The following SPTLC1 variants were observed in gnomAD, a reference collection of about 807,000 sequenced individuals.
SPTLC1 encodes the protein serine palmitoyltransferase long chain base subunit 1.
Under a neutral mutation model 68.9 loss-of-function variants are expected in SPTLC1, and 55 were observed. The ratio of observed to expected loss-of-function variants is 0.80; its 90% CI spans 0.64 to 1.00. The LOEUF is 1.00. SPTLC1 is among the 50% of genes least tolerant of loss of function. The pLI is 0.00. For missense variants in SPTLC1, 449 were observed against 573.1 expected, an observed-to-expected ratio of 0.78 and a Z score of 2.21; for synonymous variants, 197 against 201.6, an observed-to-expected ratio of 0.98 and a Z score of 0.19.
At chr9:92,113,955 C>T (rs1348074325) in intron 1 of SPTLC1, among the ~76,000 whole-genome samples, 2 of 152,212 alleles carry the variant, frequency 1.3e-5, no homozygotes, top group African/African-American at 2.4e-5. Flanking sequence ...CACTAAGTTA[C>T]ACGTGGCTAT....
chr9:92,053,578 C>G (rs962936107), intron 8 of SPTLC1, among the ~76,000 whole-genome samples: 1 of 152,098 alleles, frequency 6.6e-6, no homozygotes. Context: ...GACTATAACT[C>G]AGCATTAAAA....
chr9:92,032,202 C>A lies in SPTLC1; in HGVS notation c.*263G>T, dbSNP rs1007169288. 7.9e-7 allele frequency: 1 copy of A among 1,265,774 alleles called. No individual in the cohort carries two copies. Among genetic ancestry groups the A allele is most frequent in the Non-Finnish European group, 1.1e-6 (1 of 938,548 alleles). The allele number at this position is 1,265,774 out of a possible 1,614,324, so 78.4% of individuals were successfully genotyped here. On this transcript the variant is annotated 3_prime_UTR_variant, in exon 15 of 15. Coordinates refer to ENST00000262554, the MANE Select transcript of SPTLC1 (RefSeq NM_006415.4). ...GAAAACATTTAAATAGTACTAAATG[C>A]ACAATTTAAACATCAGTTATACACT...
At chr9:92,103,003 A>G (rs1336259518) in intron 3 of SPTLC1, among the ~76,000 whole-genome samples, 1 of 152,202 alleles carries the variant, frequency 6.6e-6, no homozygotes, top group East Asian at 1.9e-4. Flanking sequence ...GCTCACAATG[A>G]CCAAATTATG....
intron 3 of SPTLC1, among the ~76,000 whole-genome samples, chr9:92,085,927 T>C (rs1407139842): frequency 2.0e-5 from 3 of 152,190 alleles, no homozygotes; most frequent in South Asian, 2.1e-4. Flanking sequence ...TGGGTGCTCC[T>C]GTATTGGGTG....
chr9:92,046,227 G>A (rs1372359934), intron 11 of SPTLC1, 174 bp from the exon 12 acceptor site: 2 of 645,942 alleles, frequency 3.1e-6, no homozygotes, highest in Non-Finnish European at 5.4e-6. Flanking sequence ...TGTCTCTGGT[G>A]CGTGCTAACT....
At chr9:92,071,203 A>G (rs1344451726) in intron 5 of SPTLC1, among the ~76,000 whole-genome samples, 2 of 151,288 alleles carry the variant, frequency 1.3e-5, no homozygotes, top group African/African-American at 4.9e-5. Flanking sequence ...CAGCCTGACC[A>G]AAACGGAGAA....
chr9:92,066,420 G>A (rs914680958), intron 6 of SPTLC1, among the ~76,000 whole-genome samples: 1 of 152,212 alleles, frequency 6.6e-6, no homozygotes, highest in Non-Finnish European at 1.5e-5. Flanking sequence ...CAGAGGTGAC[G>A]TATGTGAAGG....
chr9:92,090,795 T>C (rs1835334266), intron 3 of SPTLC1, among the ~76,000 whole-genome samples: 1 of 152,096 alleles, frequency 6.6e-6, no homozygotes, highest in Admixed American at 6.6e-5. Context: ...CAGCTGCTCC[T>C]GCAACTAGGT....
chr9:92,051,309 G>T, intron 8 of SPTLC1: 2 of 972,190 alleles, frequency 2.1e-6, no homozygotes, highest in Non-Finnish European at 2.4e-6. Context: ...TGCAATGGTG[G>T]TTCAACATGG....
At chr9:92,036,829 G>A (rs559380111) in intron 13 of SPTLC1, among the ~76,000 whole-genome samples, 65 of 152,184 alleles carry the variant, frequency 4.3e-4, no homozygotes, top group Admixed American at 1.2e-3. Flanking sequence ...TTTAAGGAAC[G>A]TTACAATACA....
At chr9:92,059,582 T>C (rs758453784) in intron 6 of SPTLC1, among the ~76,000 whole-genome samples, 58 of 152,228 alleles carry the variant, frequency 3.8e-4, no homozygotes, top group Non-Finnish European at 7.5e-4. Flanking sequence ...GGATGACATA[T>C]CAGTTTATTC....
intron 1 of SPTLC1, among the ~76,000 whole-genome samples, chr9:92,113,352 C>A (rs997914427): frequency 2.0e-5 from 3 of 152,170 alleles, no homozygotes; most frequent in African/African-American, 7.2e-5. Flanking sequence ...TTCTAGCAAG[C>A]AAACATCTGC....
At chr9:92,091,320 A>G (rs144713886) in intron 3 of SPTLC1, among the ~76,000 whole-genome samples, 2,324 of 152,304 alleles carry the variant, frequency 0.015, 195 homozygotes, top group Admixed American at 0.14. Flanking sequence ...ATACTGAATG[A>G]GACTTGGGTA....
intron 3 of SPTLC1, among the ~76,000 whole-genome samples, chr9:92,084,159 T>A (rs1183369618): frequency 6.6e-6 from 1 of 151,484 alleles, no homozygotes; most frequent in Non-Finnish European, 1.5e-5. Context: ...AATGGGGTTT[T>A]CTAGATATAC....
chr9:92,041,710 TA>T (rs1363537570), intron 12 of SPTLC1, among the ~76,000 whole-genome samples: 1 of 152,112 alleles, frequency 6.6e-6, no homozygotes, highest in Non-Finnish European at 1.5e-5. Flanking sequence ...TAAACAGATA[TA>T]AAAAGTCAAA....
At chr9:92,075,250 G>A (rs1202772161) in intron 5 of SPTLC1, among the ~76,000 whole-genome samples, 1 of 152,028 alleles carries the variant, frequency 6.6e-6, no homozygotes, top group Non-Finnish European at 1.5e-5. Flanking sequence ...ACCGTATTCA[G>A]CTAATCTCCA....
chr9:92,104,032 C>T (rs1212016644), intron 3 of SPTLC1, among the ~76,000 whole-genome samples: 2 of 152,290 alleles, frequency 1.3e-5, no homozygotes, highest in East Asian at 3.9e-4. Flanking sequence ...TAGGCACCCT[C>T]GCTGGGCTCC....
chr9:92,073,643 A>G (rs1285324348), intron 5 of SPTLC1, among the ~76,000 whole-genome samples: 3 of 152,118 alleles, frequency 2.0e-5, no homozygotes, highest in Non-Finnish European at 2.9e-5. Context: ...GCATTTTATT[A>G]CCCAGTCAGC....
Position 92,032,257 on chromosome 9 carries a change from T to C in SPTLC1, c.*208A>G. The C allele has an allele frequency of 6.6e-7, 1 of 1,525,004 alleles. No individual in the cohort carries two copies. Among genetic ancestry groups the C allele is most frequent in the South Asian group, 1.2e-5 (1 of 82,312 alleles). 94.5% of individuals were successfully genotyped at this position (1,525,004 alleles called of 1,614,324 possible). A position where few individuals can be genotyped will look rare whatever the true frequency, so the allele number is the denominator to read the frequency against. On this transcript the variant is annotated 3_prime_UTR_variant, in exon 15 of 15. Transcript: ENST00000262554. ...TTAGTTTTCCTCTTAAAAAAATCAGTTCCTGGGCTTTTAGATGTGTTTTCT... is the reference window on the plus strand; with the variant it reads ...TTAGTTTTCCTCTTAAAAAAATCAGCTCCTGGGCTTTTAGATGTGTTTTCT...
Sources: gnomAD v4.1 joint callset for allele counts (sites outside exome capture counted in the v4.1 genomes callset) on GRCh38, gnomAD v4.1.1 for gene constraint, MANE v1.5 for transcripts, NCBI Gene and HGNC (gene_info 2026-07-23, HGNC 2026-07-21) for gene names.